SPEF2: variants seen among roughly 807,000 people sequenced by gnomAD.
SPEF2 encodes the protein sperm flagella and cilia-associated protein 2.
In SPEF2, 187 loss-of-function variants were observed where a neutral mutation model predicts 224.6. The ratio of observed to expected loss-of-function variants is 0.83; its 90% CI spans 0.74 to 0.94. SPEF2 has a LOEUF of 0.94. Among genes scored for constraint, SPEF2 ranks in the 40% least tolerant of loss-of-function variants. SPEF2 has a pLI of 0.00. For missense variants in SPEF2, 2,170 were observed against 2,135.6 expected, an observed-to-expected ratio of 1.02 and a Z score of -0.32; for synonymous variants, 715 against 707.3, an observed-to-expected ratio of 1.01 and a Z score of -0.17.
At chr5:35,799,891 G>A (rs2149851851) in intron 33 of SPEF2, 77 bp from the exon 34 acceptor site, 9 of 1,508,068 alleles carry the variant, frequency 6.0e-6, no homozygotes, top group East Asian at 4.5e-5. Flanking sequence ...AGCTCCTGGG[G>A]AGATTCTTCA....
At chr5:35,669,886 T>A (rs907023636) in intron 9 of SPEF2, among the ~76,000 whole-genome samples, 173 bp from the exon 10 acceptor site, 3 of 151,980 alleles carry the variant, frequency 2.0e-5, no homozygotes, top group African/African-American at 7.2e-5. Context: ...AAAAATCTCA[T>A]ATATATTAGT....
chr5:35,745,880 C>T lies in SPEF2; in HGVS notation c.3330+5613C>T, dbSNP rs948152273. Among the ~76,000 whole-genome samples, 14 of 152,318 alleles carry T rather than the reference C, an allele frequency of 9.2e-5. No individual in the cohort carries two copies. The South Asian group carries it at 2.9e-3, about 32-fold the overall frequency. ...GATGCCAACCAGCACAAAAATAGACCATTAAACCATCAAGGCTAAGAACTG... is the reference window on the plus strand; with the variant it reads ...GATGCCAACCAGCACAAAAATAGACTATTAAACCATCAAGGCTAAGAACTG... On this transcript the variant is annotated intron_variant, in intron 23 of 36. Coordinates refer to ENST00000356031, the MANE Select transcript of SPEF2 (RefSeq NM_024867.4).
At chr5:35,794,141 T>G (rs958964984) in intron 32 of SPEF2, among the ~76,000 whole-genome samples, 2 of 152,232 alleles carry the variant, frequency 1.3e-5, no homozygotes, top group African/African-American at 4.8e-5. Context: ...AAAAGTCAAC[T>G]GATTTTTTAG....
intron 1 of SPEF2, among the ~76,000 whole-genome samples, chr5:35,627,581 C>T (rs1217518522): frequency 6.6e-6 from 1 of 152,064 alleles, no homozygotes; most frequent in Admixed American, 6.5e-5. Flanking sequence ...GATTAGGCCA[C>T]AGCCTAGGCG....
intron 21 of SPEF2, among the ~76,000 whole-genome samples, chr5:35,730,601 G>A (rs541362139): frequency 6.6e-6 from 1 of 152,328 alleles, no homozygotes; most frequent in South Asian, 2.1e-4. Context: ...CAATTTCAAC[G>A]TTCAAAATAT....
chr5:35,806,981 G>A, intron 35 of SPEF2, 29 bp downstream of exon 35: 1 of 1,578,482 alleles, frequency 6.3e-7, no homozygotes. Flanking sequence ...AAAAAAGTTG[G>A]CCTCAATTCT....
chr5:35,676,950 AC>A (rs1261957937), intron 10 of SPEF2, among the ~76,000 whole-genome samples: 1 of 152,106 alleles, frequency 6.6e-6, no homozygotes, highest in African/African-American at 2.4e-5. Context: ...ATTATTTGGT[AC>A]AGTGGGCCTA....
chr5:35,814,336 GA>G lies in SPEF2; in HGVS notation c.5380-121del, dbSNP rs1323777638. The G allele has an allele frequency of 3.7e-5, 17 of 462,110 alleles. No individual in the cohort carries two copies. In the South Asian group the frequency reaches 4.1e-4, roughly 11 times the overall value. The allele number at this position is 462,110 out of a possible 1,614,324, so 28.6% of individuals were successfully genotyped here. A position where few individuals can be genotyped will look rare whatever the true frequency, so the allele number is the denominator to read the frequency against. ...ACTAAATGGAGAAATTTGCTCAGTGGAAAAAAAGAAATAAAAACTGTTTAAT... is the reference window on the plus strand; with the variant it reads ...ACTAAATGGAGAAATTTGCTCAGTGGAAAAAAGAAATAAAAACTGTTTAAT... On this transcript the variant is annotated intron_variant, in intron 36 of 36. Transcript: ENST00000356031.
At chr5:35,751,096 C>CACACATATATATAT (rs1554048857) in intron 23 of SPEF2, among the ~76,000 whole-genome samples, 9 of 30,618 alleles carry the variant, frequency 2.9e-4, no homozygotes, top group African/African-American at 4.4e-4. Flanking sequence ...CACACACACA[C>CACACATATATATAT]ATATATATAT....
At chr5:35,684,997 A>G (rs1162630790) in intron 10 of SPEF2, among the ~76,000 whole-genome samples, 4 of 152,214 alleles carry the variant, frequency 2.6e-5, no homozygotes, top group Admixed American at 1.3e-4. Context: ...AATAATTCCA[A>G]TGAATGAAAG....
chr5:35,753,827 A>G (rs1750048165), intron 24 of SPEF2, 66 bp downstream of exon 24: 1 of 1,592,454 alleles, frequency 6.3e-7, no homozygotes, highest in Non-Finnish European at 8.6e-7. Context: ...AGTCCTTCAT[A>G]TGACACTTTC....
chr5:35,687,867 A>T (rs1561197903), intron 10 of SPEF2, among the ~76,000 whole-genome samples: 1 of 152,150 alleles, frequency 6.6e-6, no homozygotes, highest in African/African-American at 2.4e-5. Context: ...GAATCTATAC[A>T]TTTTTTGTTA....
At chr5:35,655,300 C>T (rs1384823743) in intron 7 of SPEF2, among the ~76,000 whole-genome samples, 4 of 152,250 alleles carry the variant, frequency 2.6e-5, no homozygotes, top group South Asian at 4.1e-4. Flanking sequence ...GTGATCCTGA[C>T]GCCACTGCAG....
intron 6 of SPEF2, among the ~76,000 whole-genome samples, chr5:35,653,425 A>G (rs545030814): frequency 6.6e-6 from 1 of 152,310 alleles, no homozygotes; most frequent in Admixed American, 6.5e-5. Context: ...AGTAACTTGC[A>G]CTTTCATAGA....
chr5:35,803,856 C>T (rs1002444736), intron 34 of SPEF2, among the ~76,000 whole-genome samples: 1 of 152,224 alleles, frequency 6.6e-6, no homozygotes, highest in African/African-American at 2.4e-5. Context: ...GCTATTCATG[C>T]TGATTTTATT....
chr5:35,787,841 AT>A, intron 30 of SPEF2: 1 of 552,540 alleles, frequency 1.8e-6, no homozygotes, highest in Non-Finnish European at 3.2e-6. Context: ...ATTACTTAAA[AT>A]AACAATGTGG....
Position 35,752,299 on chromosome 5 carries a change from T to C in SPEF2, c.3331-1325T>C, listed in dbSNP as rs73086248. Among the ~76,000 whole-genome samples, 291 of 152,184 alleles carry C rather than the reference T, an allele frequency of 1.9e-3. 2 individuals carry two copies. Among genetic ancestry groups the C allele is most frequent in the African/African-American group, 6.8e-3 (284 of 41,520 alleles). On this transcript the variant is annotated intron_variant, in intron 23 of 36. Transcript: ENST00000356031. Reference sequence around the variant, plus strand: ...ATAAATGTTTAGTGAATTATTATTATTAATTTTTATTGAGACAGGGTCTCT... The same window carrying C: ...ATAAATGTTTAGTGAATTATTATTACTAATTTTTATTGAGACAGGGTCTCT...
chr5:35,784,311 G>A (rs1311949584), intron 30 of SPEF2, among the ~76,000 whole-genome samples: 1 of 152,016 alleles, frequency 6.6e-6, no homozygotes, highest in East Asian at 1.9e-4. Context: ...TGTATTTTTA[G>A]TAGAGACAAG....
At chr5:35,623,387 G>T (rs993876409) in intron 1 of SPEF2, among the ~76,000 whole-genome samples, 3 of 152,102 alleles carry the variant, frequency 2.0e-5, no homozygotes, top group Admixed American at 2.0e-4. Context: ...GTGCAGGCTC[G>T]ATCTTTCCTA....
Sources: gnomAD v4.1 joint callset for allele counts (sites outside exome capture counted in the v4.1 genomes callset) on GRCh38, gnomAD v4.1.1 for gene constraint, MANE v1.5 for transcripts, NCBI Gene and HGNC (gene_info 2026-07-23, HGNC 2026-07-21) for gene names.